Variants in SPIDR observed in about 807,000 individuals in gnomAD.
SPIDR encodes the protein DNA repair-scaffolding protein.
SPIDR carries 93 observed loss-of-function variants against 104.6 expected under a neutral mutation model. The ratio of observed to expected loss-of-function variants is 0.89; its 90% confidence interval spans 0.75 to 1.06. SPIDR has a LOEUF of 1.06. Among genes scored for constraint, SPIDR ranks in the 50% least tolerant of loss-of-function variants. SPIDR has a pLI of 0.00. For missense variants in SPIDR, 1,154 were observed against 1,111.2 expected (o/e 1.04, Z -0.55); for synonymous variants, 431 against 416.9 (o/e 1.03, Z -0.41).
At chr8:47,644,606 C>T (rs1248285963) in intron 10 of SPIDR, among the ~76,000 whole-genome samples, 2 of 152,170 alleles carry the variant, frequency 1.3e-5, no homozygotes, top group Admixed American at 1.3e-4. Flanking sequence ...CTTTACTTTT[C>T]TCATTTGTAA....
At chr8:47,369,071 T>G (rs1442812057) in intron 5 of SPIDR, among the ~76,000 whole-genome samples, 1 of 152,166 alleles carries the variant, frequency 6.6e-6, no homozygotes, top group African/African-American at 2.4e-5. Context: ...AACTAGAAGC[T>G]TATTGGGGAG....
rs2037389990 is a variant in SPIDR at position 47,279,993 on chromosome 8, G to A, written c.165G>A (p.Gly55=). Residue 55 remains glycine, a synonymous_variant, in exon 2 of 20, where the codon GGG becomes GGA. Transcript: ENST00000297423. Reference sequence around the variant, plus strand: ...AAGCATGGCTCAGGTGTGGAGAAGGGTTTCAGAACACTTCTGGGAATCCGG... The same window carrying A: ...AAGCATGGCTCAGGTGTGGAGAAGGATTTCAGAACACTTCTGGGAATCCGG... The part of the protein sequence containing the change: ...LSEAWLRCGE[G]FQNTSGNPSL... 11 of 1,613,896 alleles carry A rather than the reference G, an allele frequency of 6.8e-6. No individual in the cohort carries two copies. The highest frequency in any genetic ancestry group is 9.3e-6 in the Non-Finnish European group (11 of 1,179,980).
At chr8:47,583,142 C>CAAA (rs199894320) in intron 8 of SPIDR, among the ~76,000 whole-genome samples, 1 of 141,134 alleles carries the variant, frequency 7.1e-6, no homozygotes, top group Non-Finnish European at 1.5e-5. Flanking sequence ...ACTAAAAATA[C>CAAA]AAAAAAAAAA....
At chr8:47,504,901 A>G (rs965284039) in intron 8 of SPIDR, among the ~76,000 whole-genome samples, 3 of 152,346 alleles carry the variant, frequency 2.0e-5, no homozygotes, top group Admixed American at 2.0e-4. Context: ...GGTCCACTCC[A>G]GACCCTGTTT....
chr8:47,340,823 TC>T (rs782662484), intron 5 of SPIDR, among the ~76,000 whole-genome samples: 1 of 152,208 alleles, frequency 6.6e-6, no homozygotes, highest in African/African-American at 2.4e-5. Flanking sequence ...CAGTGGCTCT[TC>T]CTGGTTAGCA....
chr8:47,455,073 A>G (rs1457095136), intron 8 of SPIDR, among the ~76,000 whole-genome samples: 1 of 152,174 alleles, frequency 6.6e-6, no homozygotes, highest in Non-Finnish European at 1.5e-5. Context: ...AGGTAGTTGC[A>G]TAGGTAAATG....
intron 15 of SPIDR, chr8:47,713,278 G>T: frequency 1.5e-6 from 1 of 669,036 alleles, no homozygotes; most frequent in Non-Finnish European, 2.5e-6. Flanking sequence ...TTTACCCTGT[G>T]TGGATTGACT....
intron 5 of SPIDR, among the ~76,000 whole-genome samples, chr8:47,309,017 C>G (rs587605404): frequency 6.6e-6 from 1 of 152,346 alleles, no homozygotes; most frequent in Admixed American, 6.5e-5. Flanking sequence ...GTGCAATGAT[C>G]TTCTAGGTGG....
intron 5 of SPIDR, among the ~76,000 whole-genome samples, chr8:47,385,455 T>G (rs921857049): frequency 6.6e-6 from 1 of 152,246 alleles, no homozygotes; most frequent in Non-Finnish European, 1.5e-5. Context: ...TATGCCTTCA[T>G]GTACATATGA....
chr8:47,392,145 C>T (rs1284901725), intron 5 of SPIDR, among the ~76,000 whole-genome samples: 1 of 151,980 alleles, frequency 6.6e-6, no homozygotes. Flanking sequence ...TTGCTAAATG[C>T]TTATATGTTA....
At position 47,599,332 on chromosome 8, in the gene SPIDR, C is replaced by T; in HGVS notation, c.1544+136C>T. The stretch of plus-strand genomic sequence containing the variant: ...CGTGAGCTGTTTTTGTTTTTCCTTG[C>T]ATCAAAATTTGGGATACATGGCATG... On this transcript the variant is annotated intron_variant, in intron 10 of 19. Transcript: ENST00000297423. The T allele has an allele frequency of 4.1e-6, 5 of 1,228,090 alleles. No homozygotes were observed. The East Asian group carries it at 7.7e-5, about 19-fold the overall frequency. The allele number at this position is 1,228,090 out of a possible 1,614,324, so 76.1% of individuals were successfully genotyped here.
chr8:47,263,560 C>A (rs2033112595), intron 1 of SPIDR, among the ~76,000 whole-genome samples: 1 of 152,210 alleles, frequency 6.6e-6, no homozygotes, highest in East Asian at 1.9e-4. Context: ...ACGTCGTGAT[C>A]CGCCCGCCTC....
At chr8:47,633,674 G>A (rs997852983) in intron 10 of SPIDR, among the ~76,000 whole-genome samples, 13 of 151,824 alleles carry the variant, frequency 8.6e-5, no homozygotes, top group African/African-American at 2.9e-4. Flanking sequence ...CACTCAGGAA[G>A]TGGGGGTGGG....
chr8:47,381,354 C>CT (rs1479800115), intron 5 of SPIDR, among the ~76,000 whole-genome samples: 6 of 152,154 alleles, frequency 3.9e-5, no homozygotes, highest in African/African-American at 1.2e-4. Context: ...GAAGAGCAGT[C>CT]TTGGTTTTGA....
chr8:47,551,393 C>T (rs1200809682), intron 8 of SPIDR, among the ~76,000 whole-genome samples: 1 of 152,158 alleles, frequency 6.6e-6, no homozygotes, highest in Non-Finnish European at 1.5e-5. Context: ...GTGAATCCAT[C>T]TGGTCCTGAA....
At chr8:47,641,181 A>G (rs1212295196) in intron 10 of SPIDR, among the ~76,000 whole-genome samples, 1 of 152,040 alleles carries the variant, frequency 6.6e-6, no homozygotes. Flanking sequence ...TTTTATTTAG[A>G]GACAGGATCT....
chr8:47,365,070 C>T (rs1206796523), intron 5 of SPIDR, among the ~76,000 whole-genome samples: 7 of 152,190 alleles, frequency 4.6e-5, no homozygotes, highest in African/African-American at 1.7e-4. Flanking sequence ...ACCTGCATGG[C>T]TTGTTTCCTT....
At chr8:47,301,541 G>T (rs2042090501) in intron 5 of SPIDR, among the ~76,000 whole-genome samples, 1 of 150,984 alleles carries the variant, frequency 6.6e-6, no homozygotes, top group Non-Finnish European at 1.5e-5. Flanking sequence ...TCCTAGCCTT[G>T]ATGGTCTTTG....
rs1170390337 is a variant in SPIDR at position 47,440,272 on chromosome 8, C to T, written c.878-51C>T. ...TCATGACACTTTATTCACGCTTGAACCATCTGTCTTTTGATTTCATTTTTG... is the reference window on the plus strand; with the variant it reads ...TCATGACACTTTATTCACGCTTGAATCATCTGTCTTTTGATTTCATTTTTG... On this transcript the variant is annotated intron_variant, in intron 7 of 19. Transcript: ENST00000297423. The T allele has an allele frequency of 6.7e-6, 10 of 1,501,440 alleles. No homozygotes were observed. The African/African-American group carries it at 1.1e-4, about 17-fold the overall frequency. 93.0% of individuals were successfully genotyped at this position (1,501,440 alleles called of 1,614,324 possible).
Sources: gnomAD v4.1 joint callset for allele counts (sites outside exome capture counted in the v4.1 genomes callset) on GRCh38, gnomAD v4.1.1 for gene constraint, MANE v1.5 for transcripts, NCBI Gene and HGNC (gene_info 2026-07-23, HGNC 2026-07-21) for gene names.